Variants in ELP3 observed in about 807,000 individuals in gnomAD.
ELP3 encodes elongator acetyltransferase complex subunit 3.
A neutral mutation model predicts 74.9 loss-of-function variants in ELP3; 56 were observed. The observed-to-expected ratio is 0.75, with a 90% CI of 0.60 to 0.93. The LOEUF is 0.93. ELP3 is among the 40% of genes least tolerant of loss of function. The probability of loss-of-function intolerance (pLI) is 0.00; values close to 1 mark genes in which losing one functional copy is unlikely to be tolerated. For synonymous variants in ELP3, 222 were observed against 239.8 expected (o/e 0.93, Z 0.68); for missense variants, 573 against 686.5 (o/e 0.83, Z 1.85).
chr8:28,110,471 TA>T (rs1274818025), intron 6 of ELP3, 33 bp downstream of exon 6: 1 of 1,530,182 alleles, frequency 6.5e-7, no homozygotes, highest in Non-Finnish European at 9.0e-7. Flanking sequence ...TCTTAAAAAT[TA>T]GGTGTTTATA....
intron 14 of ELP3, among the ~76,000 whole-genome samples, chr8:28,171,065 C>T (rs1206152226): frequency 1.3e-5 from 2 of 152,096 alleles, no homozygotes; most frequent in East Asian, 3.8e-4. Flanking sequence ...ATGTATATAC[C>T]ACATTTTGCT....
At position 28,121,732 on chromosome 8, in the gene ELP3, C is replaced by T. The variant is rs545589409; in HGVS notation, c.618-7770C>T. Among the ~76,000 whole-genome samples the T allele has an allele frequency of 7.7e-4, 118 of 152,278 alleles. 1 individual carries two copies. Among genetic ancestry groups the T allele is most frequent in the African/African-American group, 2.8e-3 (115 of 41,556 alleles). ...TAAATTCACTACTTAATTCTAAAAG[C>T]TATTTTTGTAAATCCTTTAATATTT... is the stretch of plus-strand genomic sequence containing the variant. On this transcript the variant is annotated intron_variant, in intron 7 of 14. Transcript: ENST00000256398.
chr8:28,100,359 A>G (rs1481477248), intron 3 of ELP3, among the ~76,000 whole-genome samples: 1 of 152,248 alleles, frequency 6.6e-6, no homozygotes, highest in African/African-American at 2.4e-5. Context: ...GTGGAAGTCC[A>G]GACAACAGCG....
At chr8:28,122,693 A>G (rs927164044) in intron 7 of ELP3, among the ~76,000 whole-genome samples, 2 of 152,006 alleles carry the variant, frequency 1.3e-5, no homozygotes, top group Non-Finnish European at 2.9e-5. Context: ...TACCCGAGTT[A>G]GGGGTTTATC....
At chr8:28,125,918 C>T (rs986691452) in intron 7 of ELP3, among the ~76,000 whole-genome samples, 4 of 152,122 alleles carry the variant, frequency 2.6e-5, no homozygotes, top group Admixed American at 1.3e-4. Context: ...GAAAGATAAG[C>T]GGTAGATGTA....
At chr8:28,155,292 C>T (rs1477815232) in intron 10 of ELP3, among the ~76,000 whole-genome samples, 2 of 152,088 alleles carry the variant, frequency 1.3e-5, no homozygotes. Flanking sequence ...AGTGTTGGAG[C>T]AACTAAAATG....
At chr8:28,142,496 G>GACCTA in intron 10 of ELP3, among the ~76,000 whole-genome samples, 1 of 152,226 alleles carries the variant, frequency 6.6e-6, no homozygotes, top group Non-Finnish European at 1.5e-5. Flanking sequence ...TCACACATAG[G>GACCTA]TGGGTGGATT....
chr8:28,112,966 A>C, intron 6 of ELP3, 53 bp from the exon 7 acceptor site: 1 of 1,517,544 alleles, frequency 6.6e-7, no homozygotes, highest in Non-Finnish European at 9.0e-7. Flanking sequence ...ATGCCTTCTT[A>C]GAGTAGTTCC....
At chr8:28,162,103 T>G (rs752438642) in intron 14 of ELP3, 25 bp downstream of exon 14, 354 of 1,611,260 alleles carry the variant, frequency 2.2e-4, no homozygotes, top group Non-Finnish European at 2.9e-4. Context: ...GCGAAGTTCA[T>G]GATTCCTTCC....
intron 14 of ELP3, among the ~76,000 whole-genome samples, chr8:28,188,088 A>G (rs780897960): frequency 3.3e-5 from 5 of 152,164 alleles, no homozygotes; most frequent in Admixed American, 6.5e-5. Context: ...ACGTGCAGAG[A>G]GGGAGGGAAG....
chr8:28,134,991 C>T (rs1254530422), intron 9 of ELP3, among the ~76,000 whole-genome samples: 2 of 151,714 alleles, frequency 1.3e-5, no homozygotes, highest in Non-Finnish European at 2.9e-5. Context: ...TGCAATGGCA[C>T]GATCTTGGCT....
chr8:28,110,108 C>G (rs1003023943), intron 5 of ELP3, among the ~76,000 whole-genome samples: 4 of 152,124 alleles, frequency 2.6e-5, no homozygotes, highest in African/African-American at 9.7e-5. Context: ...CCCTGGGATT[C>G]CAGAAGTGTT....
intron 10 of ELP3, among the ~76,000 whole-genome samples, chr8:28,144,006 T>G (rs538314860): frequency 6.6e-6 from 1 of 152,328 alleles, no homozygotes; most frequent in East Asian, 1.9e-4. Context: ...TTTATTTAAT[T>G]AAGGGTATTA....
At chr8:28,116,773 AAT>A (rs1177433881) in intron 7 of ELP3, among the ~76,000 whole-genome samples, 2 of 152,176 alleles carry the variant, frequency 1.3e-5, no homozygotes, top group Admixed American at 6.5e-5. Context: ...ACTGATCATT[AAT>A]ATGAGTCATA....
intron 7 of ELP3, among the ~76,000 whole-genome samples, chr8:28,114,829 TGAAGGG>T (rs1180589161): frequency 6.6e-6 from 1 of 152,158 alleles, no homozygotes; most frequent in African/African-American, 2.4e-5. Context: ...AGGGAGCAGA[TGAAGGG>T]GAAGTGGCAA....
At position 28,161,990 on chromosome 8, in the gene ELP3, C is replaced by G. The variant is rs375339020; in HGVS notation, c.1486-7C>G. ...TAATTCCCACTCCCCATTGTTGCTC[C>G]GTGCAGGGATTTGGCATGCTGCTGA... On this transcript the variant is annotated splice_polypyrimidine_tract_variant and splice_region_variant and intron_variant, in intron 13 of 14. Transcript: ENST00000256398. 4 of 1,613,836 alleles carry G rather than the reference C, an allele frequency of 2.5e-6. No individual in the cohort carries two copies. The East Asian group carries it at 8.9e-5, about 36-fold the overall frequency.
chr8:28,120,525 G>A (rs1231446510), intron 7 of ELP3, among the ~76,000 whole-genome samples: 3 of 152,154 alleles, frequency 2.0e-5, no homozygotes, highest in Non-Finnish European at 2.9e-5. Context: ...TAATGATATC[G>A]TTTAGCCAAA....
intron 5 of ELP3, 80 bp from the exon 6 acceptor site, chr8:28,110,290 T>C (rs1811863922): frequency 1.6e-6 from 2 of 1,257,498 alleles, no homozygotes; most frequent in Admixed American, 2.1e-5. Flanking sequence ...CCATGGAGAG[T>C]TTTTTTTAAA....
chr8:28,117,655 A>G (rs973062046), intron 7 of ELP3, among the ~76,000 whole-genome samples: 1 of 152,184 alleles, frequency 6.6e-6, no homozygotes, highest in Non-Finnish European at 1.5e-5. Flanking sequence ...TCCATAAATT[A>G]CACTGAATTC....
Sources: gnomAD v4.1 joint callset for allele counts (sites outside exome capture counted in the v4.1 genomes callset) on GRCh38, gnomAD v4.1.1 for gene constraint, MANE v1.5 for transcripts, NCBI Gene and HGNC (gene_info 2026-07-23, HGNC 2026-07-21) for gene names.